Variants in PCDH15 observed in about 807,000 individuals in gnomAD.
The protein encoded by PCDH15 is protocadherin related 15, also known as protocadherin-15.
A neutral mutation model predicts 178.5 loss-of-function variants in PCDH15; 129 were observed. The ratio of observed to expected loss-of-function variants is 0.72; its 90% CI spans 0.63 to 0.84. The LOEUF (loss-of-function observed/expected upper bound fraction) is 0.84. PCDH15 is among the 40% of genes least tolerant of loss of function. PCDH15 has a pLI of 0.00. For synonymous variants in PCDH15, 800 were observed against 732.0 expected (o/e 1.09, Z -1.50); for missense variants, 2,230 against 2,099.9 (o/e 1.06, Z -1.21).
At chr10:55,280,668 G>A (rs550191576) in intron 1 of PCDH15, among the ~76,000 whole-genome samples, 38 of 151,960 alleles carry the variant, frequency 2.5e-4, no homozygotes, top group African/African-American at 8.9e-4. Context: ...CAGTAATGAT[G>A]ATGTTCTATT....
intron 3 of PCDH15, among the ~76,000 whole-genome samples, chr10:54,456,392 A>G (rs189683143): frequency 2.4e-4 from 37 of 152,238 alleles, no homozygotes; most frequent in Admixed American, 2.3e-3. Flanking sequence ...TGACTGTCCT[A>G]TTGGATTCTG....
chr10:54,366,237 T>G (rs184325318), intron 5 of PCDH15, among the ~76,000 whole-genome samples: 1 of 152,240 alleles, frequency 6.6e-6, no homozygotes, highest in East Asian at 1.9e-4. Context: ...TGATAATGAC[T>G]TTATTATACC....
At chr10:54,963,864 C>T (rs1290641135) in intron 2 of PCDH15, among the ~76,000 whole-genome samples, 2 of 152,166 alleles carry the variant, frequency 1.3e-5, no homozygotes, top group Non-Finnish European at 2.9e-5. Flanking sequence ...AAGGCAATCA[C>T]TGTGACAAAA....
At chr10:55,273,328 A>G (rs1842497207) in intron 1 of PCDH15, among the ~76,000 whole-genome samples, 1 of 152,150 alleles carries the variant, frequency 6.6e-6, no homozygotes, top group Non-Finnish European at 1.5e-5. Flanking sequence ...GCCTGCTCTA[A>G]AAGAAAAATG....
chr10:54,529,386 T>A (rs891587381), intron 2 of PCDH15, among the ~76,000 whole-genome samples: 12 of 152,134 alleles, frequency 7.9e-5, no homozygotes, highest in Admixed American at 7.9e-4. Flanking sequence ...CCCAGAAGTC[T>A]TGTTCTCATC....
chr10:54,642,799 T>C (rs2094022400), intron 2 of PCDH15, among the ~76,000 whole-genome samples: 1 of 152,208 alleles, frequency 6.6e-6, no homozygotes, highest in Admixed American at 6.5e-5. Context: ...TGGTAATAAA[T>C]GCCCAAAATA....
chr10:54,281,050 TAAATTATTG>T (rs2058675491), intron 8 of PCDH15, among the ~76,000 whole-genome samples: 1 of 151,978 alleles, frequency 6.6e-6, no homozygotes, highest in Admixed American at 6.6e-5. Context: ...TATATATTCA[TAAATTATTG>T]AAAGTTTCAT....
intron 26 of PCDH15, among the ~76,000 whole-genome samples, chr10:53,896,517 T>C (rs1387454678): frequency 6.6e-6 from 1 of 152,228 alleles, no homozygotes; most frequent in Non-Finnish European, 1.5e-5. Context: ...GAGTCTGCTA[T>C]TCTGATGTAA....
In PCDH15 at chr10:53,888,359, C is replaced by CATATATAT. The variant is rs68166844; in HGVS notation, c.3501+14876_3501+14883dup. 6.3e-4 allele frequency among the ~76,000 whole-genome samples: 67 copies of CATATATAT among 107,144 alleles called. 4 individuals are homozygous for CATATATAT. Among genetic ancestry groups the CATATATAT allele is most frequent in the South Asian group, 3.6e-3 (12 of 3,326 alleles). The allele number at this position is 107,144 out of a possible 152,430, so 70.3% of individuals were successfully genotyped here. ...ACGTATATATATATACGTATATATA[C>CATATATAT]ATATATATATATATTCCATATCAGT... On this transcript the variant is annotated intron_variant, in intron 26 of 37. Coordinates refer to ENST00000644397, the MANE Select transcript of PCDH15 (RefSeq NM_001384140.1).
At chr10:54,027,260 A>G (rs2093131939) in intron 18 of PCDH15, among the ~76,000 whole-genome samples, 1 of 149,238 alleles carries the variant, frequency 6.7e-6, no homozygotes, top group Non-Finnish European at 1.5e-5. Flanking sequence ...TTCAAGGAGA[A>G]CTACAAACCA....
At chr10:54,135,531 C>T (rs1169839430) in intron 14 of PCDH15, among the ~76,000 whole-genome samples, 1 of 152,172 alleles carries the variant, frequency 6.6e-6, no homozygotes, top group Non-Finnish European at 1.5e-5. Context: ...CTGAGGTAGA[C>T]CTAACATCCT....
Position 53,805,579 on chromosome 10 carries a change from A to ACATT in PCDH15, c.*996_*999dup, listed in dbSNP as rs1317334552. Reference sequence around the variant, plus strand: ...CTGAAAATGGAAGAAGTTAAACACAACATTTGAAGTTATGAATTCATAGCC... The same window carrying ACATT: ...CTGAAAATGGAAGAAGTTAAACACAACATTCATTTGAAGTTATGAATTCATAGCC... On this transcript the variant is annotated 3_prime_UTR_variant, in exon 38 of 38. Coordinates refer to ENST00000644397, the MANE Select transcript of PCDH15 (RefSeq NM_001384140.1). The ACATT allele has an allele frequency of 6.6e-6, 1 of 152,028 alleles. No homozygotes were observed. Among genetic ancestry groups the ACATT allele is most frequent in the Non-Finnish European group, 1.5e-5 (1 of 67,986 alleles). The allele number at this position is 152,028 out of a possible 1,614,324, so 9.4% of individuals were successfully genotyped here.
chr10:54,563,732 A>G (rs2088576872), intron 2 of PCDH15, among the ~76,000 whole-genome samples: 1 of 152,132 alleles, frequency 6.6e-6, no homozygotes, highest in Non-Finnish European at 1.5e-5. Flanking sequence ...AGGTTTGATA[A>G]TGTGGCAGCT....
At position 54,615,380 on chromosome 10, in the gene PCDH15, T is replaced by C. The variant is rs1326021559; in HGVS notation, c.91+48792A>G. The stretch of plus-strand genomic sequence containing the variant: ...GAACTAAACAGAAATGTGTGGAAAT[T>C]GTAGAATTGGGCAAGAAATGGAATT... On this transcript the variant is annotated intron_variant, in intron 2 of 37. Coordinates refer to ENST00000644397, the MANE Select transcript of PCDH15 (RefSeq NM_001384140.1). Among the ~76,000 whole-genome samples the C allele has an allele frequency of 3.3e-5, 5 of 152,180 alleles. No homozygotes were observed. The East Asian group carries it at 7.8e-4, about 24-fold the overall frequency.
chr10:54,686,139 G>GTGCT (rs2095000810), intron 1 of PCDH15, among the ~76,000 whole-genome samples: 1 of 147,480 alleles, frequency 6.8e-6, no homozygotes, highest in Non-Finnish European at 1.5e-5. Flanking sequence ...GCCTCCCCAA[G>GTGCT]TGCTGGGATT....
At chr10:53,873,818 T>C (rs569575743) in intron 26 of PCDH15, among the ~76,000 whole-genome samples, 2 of 152,314 alleles carry the variant, frequency 1.3e-5, no homozygotes, top group East Asian at 1.9e-4. Context: ...GTTAAGTTCA[T>C]GATGGCAGAG....
At chr10:55,605,017 CAA>C (rs1843181325) in intron 2 of PCDH15, among the ~76,000 whole-genome samples, 2 of 151,864 alleles carry the variant, frequency 1.3e-5, no homozygotes, top group Non-Finnish European at 2.9e-5. Context: ...ATAAAGAAAA[CAA>C]GAGAGAAGAA....
intron 2 of PCDH15, among the ~76,000 whole-genome samples, chr10:54,904,754 C>T (rs1270917060): frequency 1.3e-5 from 2 of 151,712 alleles, no homozygotes; most frequent in South Asian, 2.1e-4. Flanking sequence ...CACACTTTAT[C>T]ACATCACTTC....
chr10:54,335,929 T>A (rs575318993), intron 6 of PCDH15, among the ~76,000 whole-genome samples: 6 of 152,302 alleles, frequency 3.9e-5, no homozygotes, highest in Non-Finnish European at 4.4e-5. Context: ...AGAGACTTTT[T>A]CATTGGCTTT....
Sources: gnomAD v4.1 joint callset for allele counts (sites outside exome capture counted in the v4.1 genomes callset) on GRCh38, gnomAD v4.1.1 for gene constraint, MANE v1.5 for transcripts, NCBI Gene and HGNC (gene_info 2026-07-23, HGNC 2026-07-21) for gene names.